The following RBP3 variants were observed in gnomAD, a reference collection of about 807,000 sequenced individuals.
RBP3 encodes the protein retinol-binding protein 3.
A neutral mutation model predicts 64.8 loss-of-function variants in RBP3; 50 were observed. That is an observed-to-expected ratio of 0.77 (90% CI 0.61 to 0.98). The LOEUF is 0.98. Among genes scored for constraint, RBP3 ranks in the 50% least tolerant of loss-of-function variants. The pLI, the probability that RBP3 is intolerant of heterozygous loss-of-function variation, is 0.00. For synonymous variants in RBP3, 828 were observed against 730.2 expected (o/e 1.13, Z -2.16); for missense variants, 1,712 against 1,660.5 (o/e 1.03, Z -0.54).
rs34262817 is a variant in RBP3, at chr10:47,357,283, C to A, written c.3570C>A (p.Leu1190=). 1.2e-6 allele frequency: 2 copies of A among 1,614,216 alleles called. No individual in the cohort carries two copies. Among genetic ancestry groups the A allele is most frequent in the Non-Finnish European group, 1.7e-6 (2 of 1,180,046 alleles). ...TYHVDDTNLY[L]TIPTARSVGA... Reference sequence around the variant, plus strand: ...ACGTGGATGACACCAACCTCTACCTCACTATCCCCACGGCCCGTTCTGTGG... The same window carrying A: ...ACGTGGATGACACCAACCTCTACCTAACTATCCCCACGGCCCGTTCTGTGG... Residue 1190 remains leucine (L), a synonymous_variant, in exon 4 of 4, where the codon CTC becomes CTA. Coordinates refer to ENST00000584701, the MANE Select transcript of RBP3 (RefSeq NM_002900.3).
rs142812211 is a variant in RBP3 at position 47,355,395 on chromosome 10, A to G, written c.3265A>G (p.Thr1089Ala). The G allele has an allele frequency of 6.8e-6, 11 of 1,613,914 alleles. No homozygotes were observed. The African/African-American group carries it at 1.5e-4, about 22-fold the overall frequency. Residue 1089 changes from threonine to alanine, a missense_variant, in exon 3 of 4, where the codon ACA (threonine) becomes GCA (alanine). Transcript: ENST00000584701. ...IDMRFNIGGP[T>A]SSIPILCSYF... ...CTTCAGGTTCAACATCGGTGGCCCCACATCCTCCATTCCCATCTTGTGCTC... is the reference window on the plus strand; with the variant it reads ...CTTCAGGTTCAACATCGGTGGCCCCGCATCCTCCATTCCCATCTTGTGCTC...
In RBP3 at chr10:47,351,118, T is replaced by C. The variant is rs1836965601; in HGVS notation, c.2634T>C (p.Ser878=). 1 of 1,612,920 alleles carries C rather than the reference T, an allele frequency of 6.2e-7. No individual in the cohort carries two copies. Among genetic ancestry groups the C allele is most frequent in the Non-Finnish European group, 8.5e-7 (1 of 1,180,040 alleles). Residue 878 remains serine (S), a synonymous_variant, in exon 1 of 4, where the codon TCT becomes TCC. Coordinates refer to ENST00000584701, the MANE Select transcript of RBP3 (RefSeq NM_002900.3). ...AGCCCACGGCCGGAGGCGCACTCTC[T>C]GTGGGCATCTACCAGGTGGGCAGCA... ...IGEPTAGGAL[S]VGIYQVGSSP...
chr10:47,349,930 TGGA>T lies in RBP3; in HGVS notation c.1449_1451del (p.Gly484del). Reference sequence around the variant, plus strand: ...TCATCATGGACCTGCGCCACAACCCTGGAGGGCCATCCTCTGCTGTGCCCCTGC... The same window carrying T: ...TCATCATGGACCTGCGCCACAACCCTGGGCCATCCTCTGCTGTGCCCCTGC... On this transcript the variant is annotated inframe_deletion, in exon 1 of 4. Coordinates refer to ENST00000584701, the MANE Select transcript of RBP3 (RefSeq NM_002900.3). The T allele has an allele frequency of 6.2e-7, 1 of 1,612,486 alleles. No homozygotes were observed. The highest frequency in any genetic ancestry group is 1.3e-5 in the African/African-American group (1 of 75,020).
rs782275411 is a variant in RBP3 at position 47,349,576 on chromosome 10, C to T, written c.1092C>T (p.Ser364=). The change falls in exon 1 of 4, where the codon TCC becomes TCT. Residue 364 remains serine, a synonymous_variant. Coordinates refer to ENST00000584701, the MANE Select transcript of RBP3 (RefSeq NM_002900.3). ...GCATGGACTTCTCCACGGTGGTCTCCGAGGAAGATCTGGTCACCAAGCTCA... is the reference window on the plus strand; with the variant it reads ...GCATGGACTTCTCCACGGTGGTCTCTGAGGAAGATCTGGTCACCAAGCTCA... The part of the protein sequence containing the change: ...LASMDFSTVV[S]EEDLVTKLNA... 42 of 1,612,854 alleles carry T rather than the reference C, an allele frequency of 2.6e-5. No homozygotes were observed. The Admixed American group carries it at 4.3e-4, about 17-fold the overall frequency.
intron 1 of RBP3, among the ~76,000 whole-genome samples, chr10:47,352,251 C>G (rs1303735460): frequency 2.6e-5 from 4 of 152,176 alleles, no homozygotes; most frequent in African/African-American, 7.2e-5. Flanking sequence ...AAGCCAGGAC[C>G]CTGACGAGTG....
chr10:47,352,362 G>T (rs1465235187), intron 1 of RBP3, among the ~76,000 whole-genome samples: 1 of 152,226 alleles, frequency 6.6e-6, no homozygotes, highest in Non-Finnish European at 1.5e-5. Context: ...GGTGGGGCAG[G>T]CTCCCTCTTC....
intron 1 of RBP3, 119 bp from the exon 2 acceptor site, chr10:47,353,206 T>A (rs1312809860): frequency 5.4e-6 from 5 of 920,612 alleles, no homozygotes; most frequent in Non-Finnish European, 8.9e-6. Context: ...TGTCTACTAA[T>A]TCCTTCAGAA....
Position 47,349,937 on chromosome 10 carries a change from C to T in RBP3, c.1453C>T (p.Pro485Ser). ...IMDLRHNPGG[P>S]SSAVPLLLSY... ...GGACCTGCGCCACAACCCTGGAGGG[C>T]CATCCTCTGCTGTGCCCCTGCTCCT... Residue 485 changes from proline to serine, a missense_variant, in exon 1 of 4, where the codon CCA (proline) becomes TCA (serine). By Grantham distance (74) the Pro-to-Ser change is moderately conservative. Transcript: ENST00000584701. The T allele has an allele frequency of 6.2e-7, 1 of 1,612,404 alleles. No homozygotes were observed. Among genetic ancestry groups the T allele is most frequent in the South Asian group, 1.1e-5 (1 of 91,066 alleles).
chr10:47,353,199 C>T lies in RBP3; in HGVS notation c.3055-126C>T, dbSNP rs1284078482. 8 of 859,656 alleles carry T rather than the reference C, an allele frequency of 9.3e-6. No homozygotes were observed. The Admixed American group carries it at 1.3e-4, about 14-fold the overall frequency. The allele number at this position is 859,656 out of a possible 1,614,324, so 53.3% of individuals were successfully genotyped here. A position where few individuals can be genotyped will look rare whatever the true frequency, so the allele number is the denominator to read the frequency against. On this transcript the variant is annotated intron_variant, in intron 1 of 3. Transcript: ENST00000584701. Reference sequence around the variant, plus strand: ...ATGCCACTGGGAAAGTCCCTGGTGTCTACTAATTCCTTCAGAAATGTTAGT... The same window carrying T: ...ATGCCACTGGGAAAGTCCCTGGTGTTTACTAATTCCTTCAGAAATGTTAGT...
Position 47,349,123 on chromosome 10 carries a change from GC to G in RBP3, c.643del (p.Gln215ArgfsTer55), listed in dbSNP as rs782204851. 1 of 1,614,004 alleles carries G rather than the reference GC, an allele frequency of 6.2e-7. No homozygotes were observed. The highest frequency in any genetic ancestry group is 8.5e-7 in the Non-Finnish European group (1 of 1,180,028). ...SNTTTEIWTL[P>X]QVLGERYGAD... ...ACACCACCACGGAGATCTGGACCTTGCCCCAGGTCCTGGGAGAAAGGTACGG... is the reference window on the plus strand; with the variant it reads ...ACACCACCACGGAGATCTGGACCTTGCCCAGGTCCTGGGAGAAAGGTACGG... On this transcript the variant is annotated frameshift_variant, in exon 1 of 4. Transcript: ENST00000584701. LOFTEE classifies it high-confidence loss of function.
chr10:47,350,642 G>A lies in RBP3; in HGVS notation c.2158G>A (p.Val720Ile). ...VEEAPPPPPA[V>I]PSPEELTYLI... ...GGAAGCACCCCCACCACCCCCTGCT[G>A]TCCCCTCTCCAGAGGAGCTCACCTA... The change falls in exon 1 of 4, where the codon GTC (valine) becomes ATC (isoleucine). Residue 720 changes from valine (V) to isoleucine (I), a missense_variant. Transcript: ENST00000584701. 6.2e-7 allele frequency: 1 copy of A among 1,612,762 alleles called. No individual in the cohort carries two copies.
rs41284962 is a variant in RBP3, at chr10:47,350,115, G to A, written c.1631G>A (p.Arg544His). ...GGGGTGTATCTGCTCACCAGCCACC[G>A]CACCGCCACGGCCGCGGAGGAGTTC... is the stretch of plus-strand genomic sequence containing the variant. ...QRGVYLLTSH[R>H]TATAAEEFAF... The change falls in exon 1 of 4, where the codon CGC (arginine) becomes CAC (histidine). Residue 544 changes from arginine to histidine, a missense_variant. By Grantham distance (29) the Arg-to-His change is conservative. Coordinates refer to ENST00000584701, the MANE Select transcript of RBP3 (RefSeq NM_002900.3). The A allele has an allele frequency of 4.5e-3, 7,323 of 1,612,976 alleles. 15 individuals carry two copies. Among genetic ancestry groups the A allele is most frequent in the Non-Finnish European group, 5.9e-3 (6,966 of 1,179,990 alleles).
chr10:47,352,959 G>T (rs569237149), intron 1 of RBP3, among the ~76,000 whole-genome samples: 3 of 152,212 alleles, frequency 2.0e-5, no homozygotes, highest in Admixed American at 6.5e-5. Flanking sequence ...CGGGCCAGGT[G>T]CCTGGTAAAG....
chr10:47,352,882 G>A (rs1304397334), intron 1 of RBP3, among the ~76,000 whole-genome samples: 2 of 152,194 alleles, frequency 1.3e-5, no homozygotes, highest in East Asian at 3.9e-4. Flanking sequence ...GGAAAAGATG[G>A]GGATCGTGTT....
At position 47,348,942 on chromosome 10, in the gene RBP3, C is replaced by T. The variant is rs201653073; in HGVS notation, c.458C>T (p.Ala153Val). The T allele has an allele frequency of 1.2e-6, 2 of 1,613,860 alleles. No homozygotes were observed. Among genetic ancestry groups the T allele is most frequent in the East Asian group, 2.2e-5 (1 of 44,868 alleles). The change falls in exon 1 of 4, where the codon GCC becomes GTC. Residue 153 changes from alanine to valine, a missense_variant. By Grantham distance (64) the Ala-to-Val change is moderately conservative. Transcript: ENST00000584701. ...AGCATGATGGGGGAGTTCCTGGTGG[C>T]CCACGTGTGGGGGAATCTCATGGGC... ...VLSMMGEFLV[A>V]HVWGNLMGTS... is the part of the protein sequence containing the mutation.
At chr10:47,354,800 G>A (rs1160339829) in intron 2 of RBP3, among the ~76,000 whole-genome samples, 8 of 152,254 alleles carry the variant, frequency 5.3e-5, no homozygotes, top group African/African-American at 1.4e-4. Context: ...TAGCCCCAGT[G>A]GGGAGACAGG....
intron 1 of RBP3, 24 bp from the exon 2 acceptor site, chr10:47,353,301 G>C (rs1555211772): frequency 6.2e-7 from 1 of 1,612,796 alleles, no homozygotes; most frequent in Non-Finnish European, 8.5e-7. Context: ...TCCTGACACT[G>C]AGTAGGACCT....
At chr10:47,352,314 C>G (rs1257971684) in intron 1 of RBP3, among the ~76,000 whole-genome samples, 1 of 152,174 alleles carries the variant, frequency 6.6e-6, no homozygotes, top group Non-Finnish European at 1.5e-5. Context: ...TGGTTCCTGT[C>G]CCGCATTGGC....
Position 47,348,704 on chromosome 10 carries a change from C to T in RBP3, c.220C>T (p.Leu74=). 1 of 1,613,608 alleles carries T rather than the reference C, an allele frequency of 6.2e-7. No individual in the cohort carries two copies. The highest frequency in any genetic ancestry group is 1.3e-5 in the African/African-American group (1 of 75,044). The change falls in exon 1 of 4, where the codon CTG becomes TTG. Residue 74 remains leucine (L), a synonymous_variant. Coordinates refer to ENST00000584701, the MANE Select transcript of RBP3 (RefSeq NM_002900.3). The part of the protein sequence containing the change: ...ISDPQTLASV[L]TAGVQSSLND... ...AGACCCGCAGACGCTGGCCAGTGTG[C>T]TGACAGCCGGGGTGCAGAGCTCCCT...
Sources: gnomAD v4.1 joint callset for allele counts (sites outside exome capture counted in the v4.1 genomes callset) on GRCh38, gnomAD v4.1.1 for gene constraint, MANE v1.5 for transcripts, NCBI Gene and HGNC (gene_info 2026-07-23, HGNC 2026-07-21) for gene names.